Variants in DOCK1 observed in about 807,000 individuals in gnomAD.
The protein encoded by DOCK1 is dedicator of cytokinesis protein 1.
Under a neutral mutation model 262.7 loss-of-function variants are expected in DOCK1, and 138 were observed. The observed-to-expected ratio is 0.53, with a 90% CI of 0.46 to 0.61. The LOEUF (loss-of-function observed/expected upper bound fraction) is 0.61. Among genes scored for constraint, DOCK1 ranks in the 20% least tolerant of loss-of-function variants. DOCK1 has a pLI of 0.00. For missense variants in DOCK1, 1,908 were observed against 2,370.7 expected (o/e 0.80, Z 4.05); for synonymous variants, 866 against 867.4 (o/e 1.00, Z 0.03).
At chr10:126,925,724 CTGTGTG>C (rs71032531) in intron 1 of DOCK1, among the ~76,000 whole-genome samples, 14,770 of 141,168 alleles carry the variant, frequency 0.1, 759 homozygotes, top group South Asian at 0.13. Context: ...ATTGCAGAGT[CTGTGTG>C]TGTGTGTGTG....
intron 27 of DOCK1, 120 bp downstream of exon 27, chr10:127,127,884 G>C: frequency 2.8e-6 from 2 of 723,790 alleles, no homozygotes. Context: ...ATACAGCTTG[G>C]TATATAAAAT....
Position 127,433,276 on chromosome 10 carries a change from C to G in DOCK1, c.4915-7C>G, listed in dbSNP as rs777114299. On this transcript the variant is annotated splice_polypyrimidine_tract_variant and splice_region_variant and intron_variant, in intron 47 of 51. Coordinates refer to ENST00000623213, the MANE Select transcript of DOCK1 (RefSeq NM_001290223.2). ...CAAGTCTCCTTCTCTCTCTTTCTCG[C>G]TCTCAGCCCTCAAGTCTGGATGATA... 1.2e-6 allele frequency: 2 copies of G among 1,613,688 alleles called. No individual in the cohort carries two copies. The highest frequency in any genetic ancestry group is 2.2e-5 in the South Asian group (2 of 91,056).
intron 23 of DOCK1, 67 bp downstream of exon 23, chr10:127,061,843 T>C: frequency 7.6e-7 from 1 of 1,312,330 alleles, no homozygotes; most frequent in Non-Finnish European, 1.0e-6. Context: ...CTTTTGGAGG[T>C]AGGTATTTTG....
rs1378511718 is a variant in DOCK1, at chr10:127,381,258, C to T, written c.3717-20C>T. 6.3e-6 allele frequency: 10 copies of T among 1,593,644 alleles called. No individual in the cohort carries two copies. In the South Asian group the frequency reaches 1.1e-4, roughly 18 times the overall value. On this transcript the variant is annotated intron_variant, in intron 36 of 51. Transcript: ENST00000623213. ...TATTTAGTGACATTTTAAGAACATA[C>T]CTCTGTTTTATTGTCTCAGGTATTT...
chr10:127,075,912 T>C (rs1257592064), intron 23 of DOCK1, among the ~76,000 whole-genome samples: 1 of 152,196 alleles, frequency 6.6e-6, no homozygotes, highest in Non-Finnish European at 1.5e-5. Context: ...TATACTTTTA[T>C]TATTTACCAG....
chr10:127,000,457 A>G, intron 10 of DOCK1, 150 bp downstream of exon 10: 2 of 1,207,458 alleles, frequency 1.7e-6, no homozygotes, highest in Non-Finnish European at 2.2e-6. Flanking sequence ...AGTTATTTTC[A>G]TTGTGGCTTC....
At chr10:127,046,068 C>G (rs1287826768) in intron 21 of DOCK1, among the ~76,000 whole-genome samples, 3 of 152,062 alleles carry the variant, frequency 2.0e-5, no homozygotes, top group Non-Finnish European at 4.4e-5. Context: ...CTAAGTCCTT[C>G]TCTTTGCAAA....
intron 26 of DOCK1, among the ~76,000 whole-genome samples, chr10:127,126,904 A>G (rs2133092989): frequency 6.6e-6 from 1 of 152,314 alleles, no homozygotes. Flanking sequence ...ATCTGGAAGA[A>G]AAAGATCGGA....
chr10:126,921,724 C>T (rs568501100), intron 1 of DOCK1, among the ~76,000 whole-genome samples: 1 of 152,240 alleles, frequency 6.6e-6, no homozygotes, highest in Non-Finnish European at 1.5e-5. Context: ...GCGATCTCAA[C>T]TCACTGCAGC....
intron 23 of DOCK1, among the ~76,000 whole-genome samples, chr10:127,098,804 G>A (rs991704694): frequency 3.3e-5 from 5 of 152,200 alleles, no homozygotes; most frequent in Admixed American, 6.5e-5. Flanking sequence ...CCCCTGCTTC[G>A]TCTGTTGGGT....
chr10:127,163,997 T>G (rs1431525166), intron 27 of DOCK1, among the ~76,000 whole-genome samples: 2 of 151,706 alleles, frequency 1.3e-5, no homozygotes, highest in African/African-American at 4.8e-5. Context: ...CTTGTTTTCA[T>G]TATCAAGAAT....
chr10:127,335,216 T>G (rs921448932), intron 29 of DOCK1, among the ~76,000 whole-genome samples: 4 of 152,144 alleles, frequency 2.6e-5, no homozygotes, highest in African/African-American at 9.7e-5. Flanking sequence ...TACCTATGCT[T>G]TACTCACAAT....
At chr10:127,375,637 C>G (rs1440229813) in intron 35 of DOCK1, among the ~76,000 whole-genome samples, 5 of 152,248 alleles carry the variant, frequency 3.3e-5, no homozygotes, top group Non-Finnish European at 7.3e-5. Context: ...AGTGCTGGAT[C>G]TGTGCTTTGC....
intron 38 of DOCK1, among the ~76,000 whole-genome samples, chr10:127,393,310 C>T (rs574541234): frequency 7.6e-4 from 116 of 152,268 alleles, no homozygotes; most frequent in African/African-American, 1.8e-3. Context: ...AACCATGACC[C>T]GGCTACAGCT....
At chr10:127,021,827 T>C (rs539799848) in intron 13 of DOCK1, among the ~76,000 whole-genome samples, 6 of 150,724 alleles carry the variant, frequency 4.0e-5, no homozygotes, top group Non-Finnish European at 8.9e-5. Context: ...TAGAGCAGTT[T>C]AAAAGAAAAA....
intron 27 of DOCK1, among the ~76,000 whole-genome samples, chr10:127,211,866 A>T (rs2057994084): frequency 6.6e-6 from 1 of 152,190 alleles, no homozygotes; most frequent in Admixed American, 6.5e-5. Flanking sequence ...GGACTCTTGC[A>T]AATCATTTCC....
At chr10:127,075,354 C>G (rs1234584656) in intron 23 of DOCK1, among the ~76,000 whole-genome samples, 1 of 152,008 alleles carries the variant, frequency 6.6e-6, no homozygotes, top group Admixed American at 6.6e-5. Flanking sequence ...TCACTGTAGC[C>G]TTGACCTCCT....
At chr10:127,436,341 AC>A (rs2069682099) in intron 48 of DOCK1, among the ~76,000 whole-genome samples, 1 of 151,966 alleles carries the variant, frequency 6.6e-6, no homozygotes. Context: ...ACATAACAAA[AC>A]CCCATCTCTA....
chr10:127,003,990 C>T (rs2040797285), intron 10 of DOCK1, among the ~76,000 whole-genome samples: 1 of 151,770 alleles, frequency 6.6e-6, no homozygotes, highest in African/African-American at 2.4e-5. Context: ...TACAGTGGCT[C>T]ACACCTCTAA....
Sources: allele counts gnomAD v4.1 joint callset (sites outside exome capture counted in the v4.1 genomes callset), GRCh38; gene constraint gnomAD v4.1.1; transcripts MANE v1.5; gene names NCBI Gene and HGNC (gene_info 2026-07-23, HGNC 2026-07-21).